Variants in SDK1 observed in about 807,000 individuals in gnomAD.
The protein encoded by SDK1 is protein sidekick-1.
In SDK1, 157 loss-of-function variants were observed where a neutral mutation model predicts 245.5. The observed-to-expected ratio is 0.64, with a 90% confidence interval of 0.56 to 0.73. The LOEUF is 0.73. Among genes scored for constraint, SDK1 ranks in the 30% least tolerant of loss-of-function variants. The probability of loss-of-function intolerance (pLI) is 0.00; values close to 1 mark genes in which losing one functional copy is unlikely to be tolerated. For missense variants in SDK1, 3,583 were observed against 3,002.3 expected, an observed-to-expected ratio of 1.19 and a Z score of -4.52; for synonymous variants, 1,647 against 1,278.5, an observed-to-expected ratio of 1.29 and a Z score of -6.15.
chr7:4,097,730 G>A (rs530100487), intron 22 of SDK1, among the ~76,000 whole-genome samples: 1 of 152,264 alleles, frequency 6.6e-6, no homozygotes, highest in South Asian at 2.1e-4. Flanking sequence ...CCCTCCTTAT[G>A]GAAGGACGTG....
chr7:3,572,682 T>C (rs1199773543), intron 1 of SDK1, among the ~76,000 whole-genome samples: 6 of 152,070 alleles, frequency 3.9e-5, no homozygotes, highest in East Asian at 1.9e-4. Flanking sequence ...CAAGTGCCTG[T>C]AATGTAACAG....
intron 1 of SDK1, among the ~76,000 whole-genome samples, chr7:3,576,695 G>C (rs1208133838): frequency 6.6e-6 from 1 of 152,014 alleles, no homozygotes; most frequent in Non-Finnish European, 1.5e-5. Flanking sequence ...GTGTGTATGT[G>C]GCTGCATTTT....
Position 3,827,370 on chromosome 7 carries a change from G to C in SDK1, c.847+5787G>C, listed in dbSNP as rs552112514. On this transcript the variant is annotated intron_variant, in intron 5 of 44. Transcript: ENST00000404826. ...ATTTTGCAACTGCTCCTTTCTTTCCGAACGAGATGGAAGGCTCGTGTCTTA... is the reference window on the plus strand; with the variant it reads ...ATTTTGCAACTGCTCCTTTCTTTCCCAACGAGATGGAAGGCTCGTGTCTTA... Among the ~76,000 whole-genome samples, 5 of 151,958 alleles carry C rather than the reference G, an allele frequency of 3.3e-5. No homozygotes were observed. In the South Asian group the frequency reaches 1.0e-3, roughly 32 times the overall value.
intron 26 of SDK1, 118 bp downstream of exon 26, chr7:4,127,614 C>A (rs1379447975): frequency 4.2e-6 from 3 of 719,196 alleles, no homozygotes; most frequent in East Asian, 2.6e-5. Flanking sequence ...CAGCGTCAGC[C>A]AGTTTGTGAT....
chr7:4,187,468 GTGACCAGAT>G (rs1337810441), intron 35 of SDK1, among the ~76,000 whole-genome samples: 1 of 152,216 alleles, frequency 6.6e-6, no homozygotes, highest in Non-Finnish European at 1.5e-5. Context: ...CCCTGCAGCG[GTGACCAGAT>G]ACAGGGCTCA....
In SDK1 at chr7:4,090,519, T is replaced by C. The variant is rs574910666; in HGVS notation, c.3324+10935T>C. Among the ~76,000 whole-genome samples the C allele has an allele frequency of 2.4e-4, 36 of 152,350 alleles. 1 individual carries two copies. Among genetic ancestry groups the C allele is most frequent in the African/African-American group, 8.2e-4 (34 of 41,594 alleles). On this transcript the variant is annotated intron_variant, in intron 22 of 44. Coordinates refer to ENST00000404826, the MANE Select transcript of SDK1 (RefSeq NM_152744.4). ...TCATTGCTAATTTTGATGCTCAAAC[T>C]TCCCTCCATTTGGCGATTTGGGGGT...
At chr7:3,444,019 A>G (rs1780273199) in intron 1 of SDK1, among the ~76,000 whole-genome samples, 1 of 152,264 alleles carries the variant, frequency 6.6e-6, no homozygotes, top group Non-Finnish European at 1.5e-5. Context: ...AAAAGGATTC[A>G]AGAGAGGCGG....
intron 1 of SDK1, among the ~76,000 whole-genome samples, chr7:3,508,020 T>G (rs1229598752): frequency 6.6e-6 from 1 of 152,168 alleles, no homozygotes; most frequent in Admixed American, 6.5e-5. Flanking sequence ...ACCCCATATT[T>G]TCTACTTATT....
At chr7:3,623,636 GTT>G (rs1047357892) in intron 2 of SDK1, among the ~76,000 whole-genome samples, 11 of 152,216 alleles carry the variant, frequency 7.2e-5, no homozygotes, top group African/African-American at 2.2e-4. Flanking sequence ...ATTAAACTAA[GTT>G]TGCATAGATA....
rs1221534814 is a variant in SDK1, at chr7:4,268,110, C to G, written c.*2726C>G. On this transcript the variant is annotated 3_prime_UTR_variant, in exon 45 of 45. Transcript: ENST00000404826. Reference sequence around the variant, plus strand: ...AGGCTAGATGGAATGTGCTCCCGCTCTCTCCTGCCGTGCTGAAAGTCATGC... The same window carrying G: ...AGGCTAGATGGAATGTGCTCCCGCTGTCTCCTGCCGTGCTGAAAGTCATGC... 3 of 985,546 alleles carry G rather than the reference C, an allele frequency of 3.0e-6. No individual in the cohort carries two copies. The highest frequency in any genetic ancestry group is 4.7e-5 in the South Asian group (1 of 21,298). The allele number at this position is 985,546 out of a possible 1,614,324, so 61.1% of individuals were successfully genotyped here.
intron 1 of SDK1, among the ~76,000 whole-genome samples, chr7:3,614,372 C>T (rs952858508): frequency 1.3e-5 from 2 of 152,154 alleles, no homozygotes; most frequent in Non-Finnish European, 2.9e-5. Context: ...TGCTCATTTT[C>T]CTGAGGAAGG....
At chr7:3,925,422 C>G (rs1181094714) in intron 5 of SDK1, among the ~76,000 whole-genome samples, 1 of 152,336 alleles carries the variant, frequency 6.6e-6, no homozygotes, top group East Asian at 1.9e-4. Context: ...GTTCCCTGCT[C>G]AAGCTGTTAG....
At chr7:3,308,949 G>T (rs1325458812) in intron 1 of SDK1, among the ~76,000 whole-genome samples, 9 of 152,096 alleles carry the variant, frequency 5.9e-5, no homozygotes, top group Admixed American at 3.3e-4. Context: ...TGGAAACTTG[G>T]GGAGCTCTGG....
intron 1 of SDK1, among the ~76,000 whole-genome samples, chr7:3,315,002 T>G (rs1412272831): frequency 1.3e-5 from 2 of 152,130 alleles, no homozygotes; most frequent in African/African-American, 4.8e-5. Flanking sequence ...TTCCTTACTT[T>G]AGGGAGCAAG....
intron 1 of SDK1, among the ~76,000 whole-genome samples, chr7:3,310,511 A>G (rs967805546): frequency 1.3e-5 from 2 of 152,154 alleles, no homozygotes; most frequent in African/African-American, 2.4e-5. Flanking sequence ...TGGGTTGGGT[A>G]TGGAAGGTGA....
intron 7 of SDK1, chr7:3,957,974 C>T: frequency 1.3e-5 from 6 of 470,876 alleles, no homozygotes; most frequent in South Asian, 4.6e-5. Flanking sequence ...CAGAAACCTT[C>T]AGCCGCTTCC....
intron 30 of SDK1, among the ~76,000 whole-genome samples, chr7:4,153,447 A>C (rs941584112): frequency 2.0e-5 from 3 of 152,014 alleles, no homozygotes; most frequent in African/African-American, 7.2e-5. Flanking sequence ...TTAGCCAGGC[A>C]TGGTGGCATG....
intron 5 of SDK1, among the ~76,000 whole-genome samples, chr7:3,879,449 G>A (rs1457911207): frequency 6.6e-6 from 1 of 152,162 alleles, no homozygotes; most frequent in Non-Finnish European, 1.5e-5. Context: ...TGCCCCTGAT[G>A]TCAGAACTCC....
chr7:3,648,035 T>C (rs1339051719), intron 4 of SDK1, among the ~76,000 whole-genome samples: 5 of 152,224 alleles, frequency 3.3e-5, no homozygotes, highest in Admixed American at 3.3e-4. Context: ...GAAAACCCCA[T>C]ACATTTATTT....
Sources: allele counts gnomAD v4.1 joint callset (sites outside exome capture counted in the v4.1 genomes callset), GRCh38; gene constraint gnomAD v4.1.1; transcripts MANE v1.5; gene names NCBI Gene and HGNC (gene_info 2026-07-23, HGNC 2026-07-21).